The following KHDRBS2 variants were observed in gnomAD, a reference collection of about 807,000 sequenced individuals.
KHDRBS2 encodes KH RNA binding domain containing, signal transduction associated 2.
A neutral mutation model predicts 44.3 loss-of-function variants in KHDRBS2; 26 were observed. The ratio of observed to expected loss-of-function variants is 0.59; its 90% CI spans 0.43 to 0.81. The LOEUF is 0.81. Ranked by LOEUF, KHDRBS2 falls within the 40% of genes least tolerant of loss-of-function variation. KHDRBS2 has a pLI of 0.00. For synonymous variants in KHDRBS2, 194 were observed against 151.1 expected, an observed-to-expected ratio of 1.28 and a Z score of -2.08; for missense variants, 476 against 433.1, an observed-to-expected ratio of 1.10 and a Z score of -0.88.
Position 62,152,703 on chromosome 6 carries a change from A to G in KHDRBS2, c.219+24482T>C, listed in dbSNP as rs75671273. Reference sequence around the variant, plus strand: ...TCTTGACCTGACTAAATCCTCATTGAGGTCCATTTATCCCTTTGCCACCTG... The same window carrying G: ...TCTTGACCTGACTAAATCCTCATTGGGGTCCATTTATCCCTTTGCCACCTG... On this transcript the variant is annotated intron_variant, in intron 2 of 8. Coordinates refer to ENST00000281156, the MANE Select transcript of KHDRBS2 (RefSeq NM_152688.4). Among the ~76,000 whole-genome samples, 10 of 152,336 alleles carry G rather than the reference A, an allele frequency of 6.6e-5. No individual in the cohort carries two copies. In the East Asian group the frequency reaches 1.9e-3, roughly 29 times the overall value.
At chr6:61,543,363 C>T in the KHDRBS2 span, among the ~76,000 whole-genome samples, 4 of 151,844 alleles carry the variant, frequency 2.6e-5, no homozygotes, top group East Asian at 1.9e-4. Context: ...TGTAGAGGTG[C>T]TCATCAATGA....
the KHDRBS2 span, among the ~76,000 whole-genome samples, chr6:61,611,549 A>C: frequency 2.0e-5 from 3 of 152,170 alleles, no homozygotes; most frequent in African/African-American, 7.2e-5. Flanking sequence ...TTAGCATTTT[A>C]AGCTTTCATT....
At chr6:61,727,489 A>G (rs1283745837) in intron 7 of KHDRBS2, among the ~76,000 whole-genome samples, 4 of 150,226 alleles carry the variant, frequency 2.7e-5, no homozygotes, top group Middle Eastern at 3.4e-3. Context: ...GAACGAACAG[A>G]ATGGAAGAAA....
chr6:61,901,155 T>G, intron 5 of KHDRBS2, 89 bp downstream of exon 5: 2 of 1,244,196 alleles, frequency 1.6e-6, no homozygotes, highest in Non-Finnish European at 2.3e-6. Flanking sequence ...CTGATGTTGT[T>G]GTTTACTGCT....
At chr6:61,936,087 T>C (rs1039930494) in intron 4 of KHDRBS2, among the ~76,000 whole-genome samples, 3 of 152,130 alleles carry the variant, frequency 2.0e-5, no homozygotes, top group African/African-American at 7.2e-5. Flanking sequence ...TGAAATCTTT[T>C]CGCAATGTGC....
intron 6 of KHDRBS2, among the ~76,000 whole-genome samples, chr6:61,841,299 T>TA (rs1048615554): frequency 6.6e-6 from 1 of 152,182 alleles, no homozygotes; most frequent in African/African-American, 2.4e-5. Flanking sequence ...TCTTTAAATT[T>TA]ACCTCCTTTC....
At chr6:62,232,072 T>C (rs1832983187) in intron 1 of KHDRBS2, among the ~76,000 whole-genome samples, 1 of 152,200 alleles carries the variant, frequency 6.6e-6, no homozygotes, top group Non-Finnish European at 1.5e-5. Flanking sequence ...AGTTACACTG[T>C]CATTTTTAGT....
At chr6:62,256,651 C>T (rs1837438058) in intron 1 of KHDRBS2, among the ~76,000 whole-genome samples, 1 of 152,016 alleles carries the variant, frequency 6.6e-6, no homozygotes, top group South Asian at 2.1e-4. Flanking sequence ...TGAAAACGGA[C>T]TAATACATAC....
chr6:61,804,658 G>C (rs1184271830), intron 6 of KHDRBS2, among the ~76,000 whole-genome samples: 1 of 152,180 alleles, frequency 6.6e-6, no homozygotes, highest in East Asian at 1.9e-4. Context: ...CTTAATTCTT[G>C]ATTTCTGTAG....
rs145624771 is a variant in KHDRBS2 at position 62,067,351 on chromosome 6, A to G, written c.220-19357T>C. 1.7e-4 allele frequency among the ~76,000 whole-genome samples: 26 copies of G among 151,702 alleles called. 1 individual carries two copies. The East Asian group carries it at 4.3e-3, about 25-fold the overall frequency. ...TTTACACCAGTAACAGAAATGTTCT[A>G]TATTAAACTCAATGTGTCTCATGCT... On this transcript the variant is annotated intron_variant, in intron 2 of 8. Transcript: ENST00000281156.
intron 6 of KHDRBS2, among the ~76,000 whole-genome samples, chr6:61,796,059 C>T (rs571158739): frequency 4.6e-5 from 7 of 152,010 alleles, no homozygotes; most frequent in South Asian, 2.1e-4. Context: ...ATTGTGTTTC[C>T]TCATTTGTAA....
At chr6:62,275,416 A>T (rs1446487090) in intron 1 of KHDRBS2, among the ~76,000 whole-genome samples, 1 of 152,204 alleles carries the variant, frequency 6.6e-6, no homozygotes, top group Non-Finnish European at 1.5e-5. Context: ...GTCTGGAGAC[A>T]TGGATGATTC....
intron 1 of KHDRBS2, among the ~76,000 whole-genome samples, chr6:62,195,655 CT>C (rs1479317878): frequency 1.3e-5 from 2 of 152,030 alleles, no homozygotes; most frequent in African/African-American, 4.8e-5. Context: ...ATAAAAATCC[CT>C]TGGCCATTGG....
chr6:62,218,912 A>G (rs1830444590), intron 1 of KHDRBS2, among the ~76,000 whole-genome samples: 1 of 151,940 alleles, frequency 6.6e-6, no homozygotes. Context: ...GAAACAACTC[A>G]AAACAGAAAG....
At chr6:61,679,232 T>C (rs1159147817), downstream of KHDRBS2, among the ~76,000 whole-genome samples, 1 of 151,956 alleles carries the variant, frequency 6.6e-6, no homozygotes, top group East Asian at 1.9e-4. Flanking sequence ...ACTTTCTTTT[T>C]TTCCATCAAA....
At chr6:61,740,115 G>A (rs1027846477) in intron 6 of KHDRBS2, among the ~76,000 whole-genome samples, 13 of 151,882 alleles carry the variant, frequency 8.6e-5, no homozygotes, top group African/African-American at 2.9e-4. Context: ...AGGTGCTATG[G>A]AAGCACACTG....
intron 2 of KHDRBS2, among the ~76,000 whole-genome samples, chr6:62,054,578 A>T (rs1378619236): frequency 1.3e-5 from 2 of 152,088 alleles, no homozygotes; most frequent in African/African-American, 4.8e-5. Context: ...TCTTTTTAAA[A>T]GAAAGAAGGA....
At chr6:61,580,408 G>T in the KHDRBS2 span, among the ~76,000 whole-genome samples, 1 of 152,248 alleles carries the variant, frequency 6.6e-6, no homozygotes, top group Admixed American at 6.5e-5. Context: ...CAGGATGAGG[G>T]CAAGGCCAAA....
intron 6 of KHDRBS2, among the ~76,000 whole-genome samples, chr6:61,772,077 G>A (rs765462151): frequency 9.9e-5 from 15 of 152,146 alleles, no homozygotes; most frequent in Non-Finnish European, 1.9e-4. Flanking sequence ...TGACTACTGG[G>A]TAAATAATGA....
Sources: allele counts gnomAD v4.1 joint callset (sites outside exome capture counted in the v4.1 genomes callset), GRCh38; gene constraint gnomAD v4.1.1; transcripts MANE v1.5; gene names NCBI Gene and HGNC (gene_info 2026-07-23, HGNC 2026-07-21).